ACOXL: variants seen among roughly 807,000 people sequenced by gnomAD.
ACOXL encodes acyl-coenzyme A oxidase-like protein.
ACOXL carries 70 observed loss-of-function variants against 71.9 expected under a neutral mutation model. The ratio of observed to expected loss-of-function variants is 0.97; its 90% CI spans 0.80 to 1.19. ACOXL has a LOEUF of 1.19. Among genes scored for constraint, ACOXL ranks in the 50% most tolerant of loss-of-function variants. The pLI is 0.00. For missense variants in ACOXL, 703 were observed against 736.3 expected, an observed-to-expected ratio of 0.95 and a Z score of 0.52; for synonymous variants, 253 against 281.6, an observed-to-expected ratio of 0.90 and a Z score of 1.02.
intron 16 of ACOXL, among the ~76,000 whole-genome samples, chr2:111,080,834 G>A (rs2067871576): frequency 6.6e-6 from 1 of 152,172 alleles, no homozygotes. Flanking sequence ...CGATCAAGCT[G>A]GCTTCATCCC....
chr2:111,031,818 A>G, intron 15 of ACOXL, 104 bp downstream of exon 15: 1 of 1,170,266 alleles, frequency 8.5e-7, no homozygotes, highest in East Asian at 2.4e-5. Context: ...CACACAGGGA[A>G]GGGACAGTCC....
intron 17 of ACOXL, among the ~76,000 whole-genome samples, chr2:111,107,942 G>A (rs2150070884): frequency 6.6e-6 from 1 of 152,306 alleles, no homozygotes; most frequent in African/African-American, 2.4e-5. Flanking sequence ...CTCATAAGAA[G>A]TCTGCCTTTA....
intron 10 of ACOXL, among the ~76,000 whole-genome samples, chr2:110,871,776 C>T (rs111635687): frequency 9.2e-5 from 14 of 152,296 alleles, no homozygotes; most frequent in African/African-American, 3.4e-4. Context: ...CCCCTGACCT[C>T]AGCTCCAGGC....
At chr2:111,018,683 C>T (rs1001603940) in intron 14 of ACOXL, among the ~76,000 whole-genome samples, 4 of 147,970 alleles carry the variant, frequency 2.7e-5, no homozygotes, top group Admixed American at 2.0e-4. Context: ...GGATGCAGCC[C>T]GAGCTTGGGT....
At chr2:110,892,674 T>G (rs1209668096) in intron 10 of ACOXL, among the ~76,000 whole-genome samples, 1 of 152,184 alleles carries the variant, frequency 6.6e-6, no homozygotes, top group Non-Finnish European at 1.5e-5. Context: ...TTTACTTATT[T>G]TTTCAATTGT....
At chr2:111,005,000 T>G (rs761203139) in intron 14 of ACOXL, among the ~76,000 whole-genome samples, 2 of 152,210 alleles carry the variant, frequency 1.3e-5, no homozygotes, top group Non-Finnish European at 2.9e-5. Flanking sequence ...AAAGATAGAT[T>G]CTCAGTAATC....
intron 3 of ACOXL, among the ~76,000 whole-genome samples, chr2:110,790,686 G>A (rs750813584): frequency 1.1e-4 from 17 of 152,142 alleles, no homozygotes; most frequent in Non-Finnish European, 2.2e-4. Context: ...GGGGCAGGAC[G>A]CTGGGTAGTC....
intron 14 of ACOXL, among the ~76,000 whole-genome samples, chr2:111,031,334 A>T (rs2065253770): frequency 1.3e-5 from 2 of 152,254 alleles, no homozygotes; most frequent in Non-Finnish European, 2.9e-5. Context: ...CAATCAGAAC[A>T]GCCTCACTTG....
chr2:111,010,726 A>C (rs2064110492), intron 14 of ACOXL, among the ~76,000 whole-genome samples: 2 of 152,322 alleles, frequency 1.3e-5, no homozygotes, highest in South Asian at 4.1e-4. Flanking sequence ...GCAAGAAATA[A>C]TGGTAGAATG....
intron 15 of ACOXL, among the ~76,000 whole-genome samples, chr2:111,044,266 C>T (rs1558906062): frequency 6.6e-6 from 1 of 152,232 alleles, no homozygotes; most frequent in Non-Finnish European, 1.5e-5. Flanking sequence ...AATCAGCTGC[C>T]CCTTGGCTAC....
intron 12 of ACOXL, chr2:110,968,804 A>G (rs2062049687): frequency 2.5e-6 from 1 of 405,160 alleles, no homozygotes; most frequent in South Asian, 5.9e-5. Context: ...GAACTGAAAA[A>G]CATAACCAGG....
At chr2:110,986,354 T>G (rs1371597994) in intron 12 of ACOXL, among the ~76,000 whole-genome samples, 2 of 152,204 alleles carry the variant, frequency 1.3e-5, no homozygotes, top group Non-Finnish European at 2.9e-5. Context: ...ACCGCAAAAC[T>G]TAGTGCTTTG....
chr2:110,763,439 A>G (rs1680657078), intron 1 of ACOXL, among the ~76,000 whole-genome samples: 4 of 152,218 alleles, frequency 2.6e-5, no homozygotes, highest in Admixed American at 2.6e-4. Context: ...TGGAGAAAAG[A>G]TAGCTTTTTC....
chr2:110,887,094 G>GAGAGACATACACAGCAGAC, intron 10 of ACOXL: 1 of 437,904 alleles, frequency 2.3e-6, no homozygotes, highest in Non-Finnish European at 4.1e-6. Flanking sequence ...TCTCTGCCTG[G>GAGAGACATACACAGCAGAC]CAAGGACGAT....
chr2:110,991,064 A>T (rs1457747770), intron 13 of ACOXL, among the ~76,000 whole-genome samples: 1 of 152,172 alleles, frequency 6.6e-6, no homozygotes, highest in Non-Finnish European at 1.5e-5. Flanking sequence ...TTTGAAAATA[A>T]TCCGGGCTTG....
At chr2:111,104,242 T>TTATCTTTTATCCTAC in intron 17 of ACOXL, among the ~76,000 whole-genome samples, 2 of 152,218 alleles carry the variant, frequency 1.3e-5, no homozygotes, top group Non-Finnish European at 1.5e-5. Flanking sequence ...GAAGGATATG[T>TTATCTTTTATCCTAC]GGATTGTTTT....
intron 11 of ACOXL, among the ~76,000 whole-genome samples, chr2:110,909,528 G>A (rs1383988766): frequency 6.6e-6 from 1 of 152,106 alleles, no homozygotes. Flanking sequence ...GAGCCTAGAA[G>A]TAGTGGACTG....
chr2:110,956,624 C>G (rs1294592293), intron 12 of ACOXL, among the ~76,000 whole-genome samples: 1 of 152,140 alleles, frequency 6.6e-6, no homozygotes, highest in Non-Finnish European at 1.5e-5. Context: ...TTAGTGCCAC[C>G]CGAAGACACG....
At chr2:110,923,216 C>T (rs1352258299) in intron 11 of ACOXL, among the ~76,000 whole-genome samples, 2 of 152,224 alleles carry the variant, frequency 1.3e-5, no homozygotes, top group Admixed American at 1.3e-4. Context: ...ACTGTCCCTG[C>T]TACCTCTTCT....
Sources: gnomAD v4.1 joint callset for allele counts (sites outside exome capture counted in the v4.1 genomes callset) on GRCh38, gnomAD v4.1.1 for gene constraint, MANE v1.5 for transcripts, NCBI Gene and HGNC (gene_info 2026-07-23, HGNC 2026-07-21) for gene names.